Variants in NECTIN4 observed in about 807,000 individuals in gnomAD.
NECTIN4 encodes the protein nectin-4.
Under a neutral mutation model 51.7 loss-of-function variants are expected in NECTIN4, and 19 were observed. The observed-to-expected ratio is 0.37, with a 90% CI of 0.26 to 0.54. The LOEUF is 0.54. Ranked by LOEUF, NECTIN4 falls within the 20% of genes least tolerant of loss-of-function variation. The pLI, the probability that NECTIN4 is intolerant of heterozygous loss-of-function variation, is 0.86. For missense variants in NECTIN4, 619 were observed against 662.4 expected (o/e 0.93, Z 0.72); for synonymous variants, 283 against 286.9 (o/e 0.99, Z 0.14).
intron 6 of NECTIN4, 144 bp downstream of exon 6, chr1:161,074,073 A>C: frequency 2.0e-6 from 2 of 1,016,312 alleles, no homozygotes; most frequent in East Asian, 2.5e-5. Flanking sequence ...GCTCCTCCTC[A>C]GCCCTAGAAA....
chr1:161,079,525 G>T, intron 2 of NECTIN4, 65 bp downstream of exon 2: 1 of 1,585,328 alleles, frequency 6.3e-7, no homozygotes. Flanking sequence ...CATCTCTGCA[G>T]TCCCCATCTC....
chr1:161,083,140 A>G (rs1653775205), intron 1 of NECTIN4, among the ~76,000 whole-genome samples: 1 of 152,106 alleles, frequency 6.6e-6, no homozygotes, highest in East Asian at 1.9e-4. Context: ...CTGAAGCTTC[A>G]CAGACCGAGG....
chr1:161,082,436 T>C (rs1477843901), intron 1 of NECTIN4, among the ~76,000 whole-genome samples: 1 of 152,028 alleles, frequency 6.6e-6, no homozygotes, highest in East Asian at 1.9e-4. Flanking sequence ...CTAATTGGGT[T>C]CACTGCCAAA....
chr1:161,072,269 C>G lies in NECTIN4; in HGVS notation c.*392G>C, dbSNP rs542957566. 9 of 360,612 alleles carry G rather than the reference C, an allele frequency of 2.5e-5. No homozygotes were observed. Among genetic ancestry groups the G allele is most frequent in the African/African-American group, 1.5e-4 (7 of 47,516 alleles). 22.3% of individuals were successfully genotyped at this position (360,612 alleles called of 1,614,324 possible). ...AGAGGTCACACACAGCCACATGACACACACGCCAAACCCTGACAGTGTTGC... is the reference window on the plus strand; with the variant it reads ...AGAGGTCACACACAGCCACATGACAGACACGCCAAACCCTGACAGTGTTGC... On this transcript the variant is annotated 3_prime_UTR_variant, in exon 9 of 9. Coordinates refer to ENST00000368012, the MANE Select transcript of NECTIN4 (RefSeq NM_030916.3).
At chr1:161,078,029 G>C (rs1334103693) in intron 2 of NECTIN4, among the ~76,000 whole-genome samples, 7 of 152,040 alleles carry the variant, frequency 4.6e-5, no homozygotes, top group Non-Finnish European at 7.4e-5. Context: ...CATCTAGTAA[G>C]CATTTACTAT....
chr1:161,075,053 A>G (rs1464643979), intron 4 of NECTIN4, among the ~76,000 whole-genome samples: 1 of 152,268 alleles, frequency 6.6e-6, no homozygotes, highest in Non-Finnish European at 1.5e-5. Flanking sequence ...TACACATGTT[A>G]TAAAGTCCAC....
chr1:161,079,360 CGGAA>C (rs1557947354), intron 2 of NECTIN4, among the ~76,000 whole-genome samples: 1 of 152,216 alleles, frequency 6.6e-6, no homozygotes, highest in Non-Finnish European at 1.5e-5. Flanking sequence ...TTCATGTCGT[CGGAA>C]GGAAGAACTT....
chr1:161,079,816 G>C lies in NECTIN4; in HGVS notation c.213C>G (p.Asp71Glu). 6.2e-7 allele frequency: 1 copy of C among 1,613,640 alleles called. No individual in the cohort carries two copies. The highest frequency in any genetic ancestry group is 1.3e-5 in the African/African-American group (1 of 75,040). ...CTAGTTCCTGGGCGCCTTCGCCCGC[G>C]TCCACCCGAGCCCATGCCACTTGCC... ...QVGQVAWARV[D>E]AGEGAQELAL... is the part of the protein sequence containing the mutation. The change falls in exon 2 of 9, where the codon GAC becomes GAG. Residue 71 changes from aspartate to glutamate, a missense_variant. Around this residue, in one of 3 missense-constraint regions of NECTIN4, gnomAD observed 218 missense variants for 186.3 expected, o/e 1.17. Transcript: ENST00000368012.
chr1:161,088,917 G>A (rs998182563), intron 1 of NECTIN4, among the ~76,000 whole-genome samples: 1 of 152,016 alleles, frequency 6.6e-6, no homozygotes, highest in Admixed American at 6.6e-5. Context: ...ATCTACACTG[G>A]GTCACCACGT....
chr1:161,073,012 T>C, intron 8 of NECTIN4, 127 bp from the exon 9 acceptor site: 2 of 1,019,076 alleles, frequency 2.0e-6, no homozygotes, highest in Admixed American at 2.0e-5. Flanking sequence ...CTCAGAAGCA[T>C]AGGGGCCCAG....
chr1:161,089,405 T>G lies in NECTIN4; in HGVS notation c.-109A>C. 9.5e-7 allele frequency: 1 copy of G among 1,051,140 alleles called. No homozygotes were observed. The allele number at this position is 1,051,140 out of a possible 1,614,324, so 65.1% of individuals were successfully genotyped here. A position where few individuals can be genotyped will look rare whatever the true frequency, so the allele number is the denominator to read the frequency against. ...ACCCAGAAGGCAGGAAGCTGCAGAGTTCTTGCCTCTCGCACTTGGGTCTCC... is the reference window on the plus strand; with the variant it reads ...ACCCAGAAGGCAGGAAGCTGCAGAGGTCTTGCCTCTCGCACTTGGGTCTCC... On this transcript the variant is annotated 5_prime_UTR_variant, in exon 1 of 9. Coordinates refer to ENST00000368012, the MANE Select transcript of NECTIN4 (RefSeq NM_030916.3). This position sits in a 1 kb window ranked among gnomAD's most constrained non-coding sequence, Gnocchi z 4.1.
intron 1 of NECTIN4, among the ~76,000 whole-genome samples, chr1:161,081,961 G>A (rs1233488678): frequency 2.0e-5 from 3 of 152,090 alleles, no homozygotes; most frequent in South Asian, 2.1e-4. Flanking sequence ...TGTGGGTTCC[G>A]TCAACATTTA....
chr1:161,073,945 A>C (rs4656285), intron 6 of NECTIN4, 150 bp from the exon 7 acceptor site: 580,895 of 782,594 alleles, frequency 0.74, 216,289 homozygotes, highest in Middle Eastern at 0.79. Context: ...GGTGGCAGTG[A>C]GGCTGAAGAG....
intron 1 of NECTIN4, among the ~76,000 whole-genome samples, chr1:161,084,279 G>T (rs1557950793): frequency 6.6e-6 from 1 of 152,234 alleles, no homozygotes; most frequent in Non-Finnish European, 1.5e-5. Context: ...CAGTATGTGT[G>T]AATGTGTGTG....
At chr1:161,084,540 C>G (rs560467268) in intron 1 of NECTIN4, 5 of 152,360 alleles carry the variant, frequency 3.3e-5, no homozygotes, top group East Asian at 3.9e-4. Context: ...ATCTCAGGCT[C>G]AAGGTGGAAG....
Position 161,071,699 on chromosome 1 carries a change from T to A in NECTIN4, c.*962A>T, listed in dbSNP as rs774398357. ...TAAATCTAAAGGCTTTCTTTAATTT[T>A]TTTTTTCTCTTCGTAAAGGATTCAA... On this transcript the variant is annotated 3_prime_UTR_variant, in exon 9 of 9. Transcript: ENST00000368012. The A allele has an allele frequency of 6.6e-6, 1 of 152,064 alleles. No individual in the cohort carries two copies. Among genetic ancestry groups the A allele is most frequent in the Non-Finnish European group, 1.5e-5 (1 of 68,010 alleles). The allele number at this position is 152,064 out of a possible 1,614,324, so 9.4% of individuals were successfully genotyped here. A position where few individuals can be genotyped will look rare whatever the true frequency, so the allele number is the denominator to read the frequency against.
At chr1:161,082,798 T>G (rs948252061) in intron 1 of NECTIN4, among the ~76,000 whole-genome samples, 1 of 152,140 alleles carries the variant, frequency 6.6e-6, no homozygotes, top group Non-Finnish European at 1.5e-5. Context: ...GGAAGGGCTG[T>G]GAGTGAGCTT....
intron 1 of NECTIN4, among the ~76,000 whole-genome samples, chr1:161,081,659 C>T (rs146147585): frequency 6.6e-5 from 10 of 152,210 alleles, no homozygotes; most frequent in South Asian, 2.1e-4. Context: ...CCTGCCTCTG[C>T]CCAGCAAGCC....
chr1:161,083,252 T>A (rs1361870890), intron 1 of NECTIN4, among the ~76,000 whole-genome samples: 1 of 152,054 alleles, frequency 6.6e-6, no homozygotes, highest in Non-Finnish European at 1.5e-5. Flanking sequence ...GGCAACACCC[T>A]CCTCCAGCTG....
Sources: allele counts gnomAD v4.1 joint callset (sites outside exome capture counted in the v4.1 genomes callset), GRCh38; gene constraint gnomAD v4.1.1; regional missense constraint gnomAD v4.1.1; non-coding constraint Gnocchi (gnomAD v3.1); transcripts MANE v1.5; gene names NCBI Gene and HGNC (gene_info 2026-07-23, HGNC 2026-07-21).